COX7B2: variants seen among roughly 807,000 people sequenced by gnomAD.
COX7B2 encodes cytochrome c oxidase subunit 7B2.
For missense variants in COX7B2, 109 were observed against 95.9 expected, an observed-to-expected ratio of 1.14 and a Z score of -0.57; for synonymous variants, 37 against 32.1, an observed-to-expected ratio of 1.15 and a Z score of -0.51.
intron 1 of COX7B2, among the ~76,000 whole-genome samples, chr4:46,881,006 A>AAAAC (rs1218949893): frequency 1.3e-5 from 2 of 150,990 alleles, no homozygotes; most frequent in Admixed American, 6.6e-5. Flanking sequence ...AAAAAAAAAA[A>AAAAC]AAAAACTCTT....
intron 1 of COX7B2, among the ~76,000 whole-genome samples, chr4:46,850,044 T>G (rs1716562957): frequency 6.6e-6 from 1 of 152,046 alleles, no homozygotes; most frequent in African/African-American, 2.4e-5. Context: ...AGTGGTAAAT[T>G]CTAGTAAGAA....
intron 2 of COX7B2, among the ~76,000 whole-genome samples, chr4:46,796,182 T>C (rs1481503065): frequency 7.1e-6 from 1 of 141,018 alleles, no homozygotes; most frequent in Non-Finnish European, 1.5e-5. Context: ...CCTAATTGAA[T>C]ACCCTTTATT....
At chr4:46,876,404 C>CTTTT (rs1213695191) in intron 1 of COX7B2, among the ~76,000 whole-genome samples, 12 of 128,096 alleles carry the variant, frequency 9.4e-5, no homozygotes, top group African/African-American at 2.6e-4. Context: ...GTCCTATTGT[C>CTTTT]TTTTTTTTTT....
intron 2 of COX7B2, among the ~76,000 whole-genome samples, chr4:46,771,943 G>A (rs1716901991): frequency 6.6e-6 from 1 of 152,044 alleles, no homozygotes; most frequent in Non-Finnish European, 1.5e-5. Flanking sequence ...TTCAAATTTT[G>A]GAGTATTTTT....
chr4:46,763,020 A>G (rs1716285851), intron 2 of COX7B2, among the ~76,000 whole-genome samples: 1 of 135,222 alleles, frequency 7.4e-6, no homozygotes, highest in Non-Finnish European at 1.5e-5. Context: ...ATTATAATAT[A>G]TAATATAATA....
At chr4:46,832,874 G>A (rs1445551854) in intron 2 of COX7B2, among the ~76,000 whole-genome samples, 1 of 151,304 alleles carries the variant, frequency 6.6e-6, no homozygotes, top group African/African-American at 2.4e-5. Flanking sequence ...CCAAAACTAC[G>A]CTTCATGTAC....
Position 46,754,726 on chromosome 4 carries a change from G to GTATATATA in COX7B2, c.-49-19486_-49-19485insTATATATA, listed in dbSNP as rs1228184530. ...TGTGTGTGTGTGTGTGTGTGTGTGT[G>GTATATATA]TGTATATATATATATATATATATGA... On this transcript the variant is annotated intron_variant, in intron 2 of 2. Coordinates refer to ENST00000355591, the MANE Select transcript of COX7B2 (RefSeq NM_130902.3). Among the ~76,000 whole-genome samples, 79 of 46,138 alleles carry GTATATATA rather than the reference G, an allele frequency of 1.7e-3. 1 individual carries two copies. Among genetic ancestry groups the GTATATATA allele is most frequent in the Middle Eastern group, 0.011 (1 of 88 alleles). 30.3% of individuals were successfully genotyped at this position (46,138 alleles called of 152,430 possible).
At chr4:46,834,543 G>A (rs1232002119) in intron 2 of COX7B2, among the ~76,000 whole-genome samples, 1 of 151,816 alleles carries the variant, frequency 6.6e-6, no homozygotes, top group Non-Finnish European at 1.5e-5. Flanking sequence ...AAGACATTAG[G>A]GCAACTAAGT....
chr4:46,868,192 C>G (rs1717785235), intron 1 of COX7B2, among the ~76,000 whole-genome samples: 1 of 152,042 alleles, frequency 6.6e-6, no homozygotes, highest in African/African-American at 2.4e-5. Context: ...TTTCTGATGG[C>G]TAATTTTATT....
At chr4:46,750,408 A>T (rs988386317) in intron 2 of COX7B2, among the ~76,000 whole-genome samples, 7 of 152,134 alleles carry the variant, frequency 4.6e-5, no homozygotes, top group Non-Finnish European at 8.8e-5. Flanking sequence ...AAAAACAAAA[A>T]CAAATAAATG....
intron 1 of COX7B2, among the ~76,000 whole-genome samples, chr4:46,851,299 T>C (rs1577656406): frequency 1.3e-5 from 2 of 152,142 alleles, no homozygotes; most frequent in Non-Finnish European, 2.9e-5. Context: ...TATTCTTAGA[T>C]ATTTATGAAT....
At chr4:46,901,410 C>T (rs1417416971) in intron 1 of COX7B2, among the ~76,000 whole-genome samples, 1 of 152,188 alleles carries the variant, frequency 6.6e-6, no homozygotes, top group Admixed American at 6.5e-5. Context: ...CAGTAACTGG[C>T]AGTCCTACAC....
At chr4:46,749,404 C>G (rs1234930404) in intron 2 of COX7B2, among the ~76,000 whole-genome samples, 1 of 152,082 alleles carries the variant, frequency 6.6e-6, no homozygotes, top group Non-Finnish European at 1.5e-5. Flanking sequence ...CTGCCATTCC[C>G]CATCCTCCAT....
In COX7B2 at chr4:46,854,952, TTG is replaced by T. The variant is rs199993331; in HGVS notation, c.-104-9940_-104-9939del. On this transcript the variant is annotated intron_variant, in intron 1 of 2. Transcript: ENST00000355591. ...AAGTTATCAGATTATATTTTTTCTT[TTG>T]TCATTATGTATTTTATGAAGTTTCT... Among the ~76,000 whole-genome samples the T allele has an allele frequency of 3.9e-3, 590 of 152,296 alleles. 2 individuals carry two copies. Among genetic ancestry groups the T allele is most frequent in the Non-Finnish European group, 5.9e-3 (403 of 68,022 alleles).
At chr4:46,875,428 C>T (rs1718259690) in intron 1 of COX7B2, among the ~76,000 whole-genome samples, 1 of 152,126 alleles carries the variant, frequency 6.6e-6, no homozygotes, top group Non-Finnish European at 1.5e-5. Flanking sequence ...TCCATCTTTT[C>T]AATCCTTAAC....
chr4:46,861,961 C>G (rs1339788174), intron 1 of COX7B2, among the ~76,000 whole-genome samples: 1 of 152,176 alleles, frequency 6.6e-6, no homozygotes, highest in Non-Finnish European at 1.5e-5. Flanking sequence ...CCTACACTCC[C>G]TACTATTGCC....
At chr4:46,863,827 C>T (rs1343120988) in intron 1 of COX7B2, among the ~76,000 whole-genome samples, 1 of 152,086 alleles carries the variant, frequency 6.6e-6, no homozygotes, top group Non-Finnish European at 1.5e-5. Flanking sequence ...CTTTGCTGTT[C>T]TTGAAACTTT....
intron 2 of COX7B2, among the ~76,000 whole-genome samples, chr4:46,747,160 A>G (rs1238922288): frequency 1.3e-4 from 20 of 152,140 alleles, no homozygotes; most frequent in Admixed American, 1.3e-3. Context: ...CCAGGTATCA[A>G]GCCTAGTATC....
At chr4:46,869,665 GA>G (rs1299947116) in intron 1 of COX7B2, among the ~76,000 whole-genome samples, 3 of 152,050 alleles carry the variant, frequency 2.0e-5, no homozygotes, top group African/African-American at 7.2e-5. Context: ...CCTAGTTGAA[GA>G]TTTTTTTTTC....
Sources: gnomAD v4.1 joint callset for allele counts (sites outside exome capture counted in the v4.1 genomes callset) on GRCh38, gnomAD v4.1.1 for gene constraint, MANE v1.5 for transcripts, NCBI Gene and HGNC (gene_info 2026-07-23, HGNC 2026-07-21) for gene names.